FAM184A: variants seen among roughly 807,000 people sequenced by gnomAD.
FAM184A encodes the protein protein FAM184A.
Under a neutral mutation model 143.8 loss-of-function variants are expected in FAM184A, and 99 were observed. That is an observed-to-expected ratio of 0.69 (90% CI 0.58 to 0.81). FAM184A has a LOEUF of 0.81. FAM184A is among the 40% of genes least tolerant of loss of function. FAM184A has a pLI of 0.00. For synonymous variants in FAM184A, 427 were observed against 446.4 expected, an observed-to-expected ratio of 0.96 and a Z score of 0.55; for missense variants, 1,217 against 1,310.5, an observed-to-expected ratio of 0.93 and a Z score of 1.10.
At chr6:118,995,411 C>A (rs1784515913) in intron 9 of FAM184A, among the ~76,000 whole-genome samples, 1 of 151,734 alleles carries the variant, frequency 6.6e-6, no homozygotes, top group South Asian at 2.1e-4. Flanking sequence ...AGAGTGAGAC[C>A]CTGTCTCCAA....
chr6:119,028,036 C>T (rs1785727457), intron 1 of FAM184A, among the ~76,000 whole-genome samples: 1 of 152,166 alleles, frequency 6.6e-6, no homozygotes, highest in Non-Finnish European at 1.5e-5. Context: ...TGTGTAACCT[C>T]CTTGTATTGA....
At chr6:119,147,630 A>T (rs1295209381) in intron 1 of FAM184A, among the ~76,000 whole-genome samples, 1 of 152,212 alleles carries the variant, frequency 6.6e-6, no homozygotes, top group Non-Finnish European at 1.5e-5. Flanking sequence ...GCCTGCTCGA[A>T]CTCAGACTTG....
intron 1 of FAM184A, among the ~76,000 whole-genome samples, chr6:119,116,136 GGA>G (rs1789056512): frequency 6.6e-6 from 1 of 152,142 alleles, no homozygotes; most frequent in Non-Finnish European, 1.5e-5. Flanking sequence ...CAGCTCCAAA[GGA>G]GAGAGAGCAT....
At chr6:119,055,744 T>C (rs1786947808) in intron 1 of FAM184A, among the ~76,000 whole-genome samples, 1 of 152,220 alleles carries the variant, frequency 6.6e-6, no homozygotes, top group Non-Finnish European at 1.5e-5. Flanking sequence ...AACATACTTT[T>C]TTAGCCCTCT....
chr6:119,008,977 T>C (rs183868611), intron 6 of FAM184A, among the ~76,000 whole-genome samples: 1 of 152,330 alleles, frequency 6.6e-6, no homozygotes, highest in Admixed American at 6.5e-5. Context: ...GGTCTTTATA[T>C]ACTAATTGAG....
intron 9 of FAM184A, among the ~76,000 whole-genome samples, chr6:118,988,546 G>C (rs1021743308): frequency 6.6e-6 from 1 of 152,192 alleles, no homozygotes; most frequent in Admixed American, 6.5e-5. Flanking sequence ...GAAATGAGTT[G>C]CGGTGAAAAC....
chr6:119,141,145 C>T (rs1407151278), intron 1 of FAM184A, among the ~76,000 whole-genome samples: 1 of 152,240 alleles, frequency 6.6e-6, no homozygotes, highest in African/African-American at 2.4e-5. Flanking sequence ...TAGAGAGCCA[C>T]AGCTCATTAA....
intron 1 of FAM184A, among the ~76,000 whole-genome samples, chr6:119,066,271 A>G (rs908317206): frequency 1.3e-5 from 2 of 152,170 alleles, no homozygotes; most frequent in Non-Finnish European, 2.9e-5. Flanking sequence ...CTGGGCCAAA[A>G]TCTGAAGGCT....
chr6:118,973,653 A>T (rs1388287541), intron 14 of FAM184A, among the ~76,000 whole-genome samples: 1 of 152,142 alleles, frequency 6.6e-6, no homozygotes, highest in Non-Finnish European at 1.5e-5. Context: ...GAGTAGATTA[A>T]TTCTGAAATA....
chr6:118,986,315 A>C (rs916096007), intron 9 of FAM184A, among the ~76,000 whole-genome samples: 10 of 152,158 alleles, frequency 6.6e-5, no homozygotes, highest in Non-Finnish European at 4.4e-5. Flanking sequence ...AAATTTGTGG[A>C]ATATGTCCCC....
chr6:118,960,267 T>C lies in FAM184A; in HGVS notation c.3342-83A>G, dbSNP rs1783277392. On this transcript the variant is annotated intron_variant, in intron 17 of 17. Coordinates refer to ENST00000338891, the MANE Select transcript of FAM184A (RefSeq NM_024581.6). ...GGCAAAAGCACATAAAACATCAGCA[T>C]AGATTACCACAACGGGTTCCCCATG... The C allele has an allele frequency of 7.4e-6, 8 of 1,088,430 alleles. No individual in the cohort carries two copies. The Admixed American group carries it at 1.6e-4, about 21-fold the overall frequency. The allele number at this position is 1,088,430 out of a possible 1,614,324, so 67.4% of individuals were successfully genotyped here.
intron 1 of FAM184A, among the ~76,000 whole-genome samples, chr6:119,125,530 CA>C (rs1426357333): frequency 6.6e-6 from 1 of 152,184 alleles, no homozygotes; most frequent in Non-Finnish European, 1.5e-5. Context: ...CTTGGCTTCC[CA>C]ATGTGCTAGG....
At chr6:119,095,689 G>A (rs1788488545) in intron 1 of FAM184A, among the ~76,000 whole-genome samples, 1 of 152,004 alleles carries the variant, frequency 6.6e-6, no homozygotes, top group South Asian at 2.1e-4. Flanking sequence ...CTCCTGTGTA[G>A]CTAGGACTAC....
intron 1 of FAM184A, among the ~76,000 whole-genome samples, chr6:119,050,471 G>C (rs1296613475): frequency 3.3e-5 from 5 of 151,316 alleles, no homozygotes; most frequent in Non-Finnish European, 7.4e-5. Context: ...TTAAAAAAAG[G>C]GTACATATAC....
upstream of FAM184A, among the ~76,000 whole-genome samples, chr6:119,082,874 G>A (rs995551465): frequency 6.6e-6 from 1 of 152,228 alleles, no homozygotes; most frequent in African/African-American, 2.4e-5. Flanking sequence ...CAGTACCCCA[G>A]TGGGGACTCT....
chr6:118,970,008 ATTTT>A (rs11272298), intron 14 of FAM184A, among the ~76,000 whole-genome samples: 543 of 19,058 alleles, frequency 0.028, 147 homozygotes, highest in African/African-American at 0.082. Flanking sequence ...ATATATATAT[ATTTT>A]TTTTTTTTTG....
At chr6:119,107,218 C>A (rs1268841143) in intron 1 of FAM184A, among the ~76,000 whole-genome samples, 2 of 152,062 alleles carry the variant, frequency 1.3e-5, no homozygotes, top group African/African-American at 4.8e-5. Flanking sequence ...TGTTCATACA[C>A]CTTTCTTAGG....
chr6:119,066,754 T>C (rs1787466508), intron 1 of FAM184A, among the ~76,000 whole-genome samples: 2 of 152,226 alleles, frequency 1.3e-5, no homozygotes, highest in Admixed American at 1.3e-4. Flanking sequence ...GGTTCCTTTT[T>C]CTGATAATTA....
At chr6:119,094,408 A>C in intron 1 of FAM184A, among the ~76,000 whole-genome samples, 1 of 129,544 alleles carries the variant, frequency 7.7e-6, no homozygotes, top group East Asian at 3.3e-4. Context: ...CTACTGTTAT[A>C]ATTACCATTG....
Sources: gnomAD v4.1 joint callset for allele counts (sites outside exome capture counted in the v4.1 genomes callset) on GRCh38, gnomAD v4.1.1 for gene constraint, MANE v1.5 for transcripts, NCBI Gene and HGNC (gene_info 2026-07-23, HGNC 2026-07-21) for gene names.